The following NXN variants were observed in gnomAD, a reference collection of about 807,000 sequenced individuals.
NXN encodes the protein nucleoredoxin.
In NXN, 16 loss-of-function variants were observed where a neutral mutation model predicts 48.6. That is an observed-to-expected ratio of 0.33 (90% CI 0.22 to 0.50). NXN has a LOEUF of 0.50. Among genes scored for constraint, NXN ranks in the 20% least tolerant of loss-of-function variants. NXN has a pLI of 0.98. For missense variants in NXN, 492 were observed against 605.5 expected, an observed-to-expected ratio of 0.81 and a Z score of 1.97; for synonymous variants, 281 against 269.6, an observed-to-expected ratio of 1.04 and a Z score of -0.41.
At chr17:909,098 CAAAAAAAAAA>C (rs59822805) in intron 1 of NXN, among the ~76,000 whole-genome samples, 8 of 117,330 alleles carry the variant, frequency 6.8e-5, no homozygotes, top group African/African-American at 2.1e-4. Flanking sequence ...GACTTCGTCT[CAAAAAAAAAA>C]AAAAAAAAAA....
At chr17:912,208 G>A (rs989329205) in intron 1 of NXN, among the ~76,000 whole-genome samples, 4 of 152,038 alleles carry the variant, frequency 2.6e-5, no homozygotes, top group African/African-American at 9.7e-5. Flanking sequence ...AAAGTGCTGG[G>A]CTTATAAGCG....
At chr17:853,437 G>A (rs2067946831) in intron 1 of NXN, among the ~76,000 whole-genome samples, 1 of 152,058 alleles carries the variant, frequency 6.6e-6, no homozygotes, top group Admixed American at 6.5e-5. Context: ...GACAGAGTGA[G>A]ACTCTGCCTA....
In NXN at chr17:838,124, T is replaced by TTA. The variant is rs1264453633; in HGVS notation, c.361-12047_361-12046insTA. On this transcript the variant is annotated intron_variant, in intron 1 of 7. Coordinates refer to ENST00000336868, the MANE Select transcript of NXN (RefSeq NM_022463.5). ...CTCAGAACACTGAATTTTCCTTTCCTTCTTTTTTTTTTTTTTTTTTTTTTT... is the reference window on the plus strand; with the variant it reads ...CTCAGAACACTGAATTTTCCTTTCCTTATCTTTTTTTTTTTTTTTTTTTTTTT... 7.5e-4 allele frequency among the ~76,000 whole-genome samples: 99 copies of TTA among 131,556 alleles called. 2 individuals carry two copies. The East Asian group carries it at 7.7e-3, about 10-fold the overall frequency. The allele number at this position is 131,556 out of a possible 152,430, so 86.3% of individuals were successfully genotyped here.
Position 825,907 on chromosome 17 carries a change from G to A in NXN, c.478+54C>T. 8.7e-7 allele frequency: 1 copy of A among 1,144,486 alleles called. No individual in the cohort carries two copies. Among genetic ancestry groups the A allele is most frequent in the Non-Finnish European group, 1.3e-6 (1 of 771,424 alleles). 70.9% of individuals were successfully genotyped at this position (1,144,486 alleles called of 1,614,324 possible). On this transcript the variant is annotated intron_variant, in intron 2 of 7. Transcript: ENST00000336868. This position sits in a 1 kb window ranked among gnomAD's most constrained non-coding sequence, Gnocchi z 4.1. Reference sequence around the variant, plus strand: ...GGGACGGAGATTAGCCTAAGGGCATGGAGGAGGGAGGGCTGGGTAATAAGA... The same window carrying A: ...GGGACGGAGATTAGCCTAAGGGCATAGAGGAGGGAGGGCTGGGTAATAAGA...
chr17:840,472 T>C (rs1160259401), intron 1 of NXN, among the ~76,000 whole-genome samples: 1 of 152,150 alleles, frequency 6.6e-6, no homozygotes, highest in East Asian at 1.9e-4. Context: ...CCCAGGTAGC[T>C]GGGACTACAG....
intron 1 of NXN, among the ~76,000 whole-genome samples, chr17:867,602 A>G (rs1345201172): frequency 6.6e-6 from 1 of 152,206 alleles, no homozygotes; most frequent in Non-Finnish European, 1.5e-5. Context: ...TAATAAGAGA[A>G]AAATAGACAG....
rs906711063 is a variant in NXN, at chr17:958,807, C to A, written c.360+20512G>T. Among the ~76,000 whole-genome samples the A allele has an allele frequency of 6.6e-6, 1 of 152,080 alleles. No homozygotes were observed. The highest frequency in any genetic ancestry group is 2.4e-5 in the African/African-American group (1 of 41,408). ...AATTAGCTGGGGAGGTGGTGAGCTC[C>A]TGTAGTCTCAGCTTCTCAGGGGGCT... On this transcript the variant is annotated intron_variant, in intron 1 of 7. Transcript: ENST00000336868. This position sits in a 1 kb window ranked among gnomAD's most constrained non-coding sequence, Gnocchi z 6.9.
intron 1 of NXN, among the ~76,000 whole-genome samples, chr17:890,643 A>C (rs1597698830): frequency 6.6e-6 from 1 of 152,016 alleles, no homozygotes; most frequent in African/African-American, 2.4e-5. Flanking sequence ...GGCCGCCCAA[A>C]GTGCTGGGAT....
intron 5 of NXN, among the ~76,000 whole-genome samples, chr17:808,476 G>C (rs566124360): frequency 2.0e-5 from 3 of 151,780 alleles, no homozygotes; most frequent in African/African-American, 7.3e-5. Flanking sequence ...ATAATTTTTA[G>C]TAGAAACGGG....
chr17:907,136 G>A (rs942096864), intron 1 of NXN, among the ~76,000 whole-genome samples: 1 of 151,592 alleles, frequency 6.6e-6, no homozygotes, highest in African/African-American at 2.4e-5. Context: ...TTTTTGGGGG[G>A]GCGGGGGAGG....
At chr17:894,142 C>T (rs2068454132) in intron 1 of NXN, among the ~76,000 whole-genome samples, 1 of 132,376 alleles carries the variant, frequency 7.6e-6, no homozygotes, top group Non-Finnish European at 1.6e-5. Context: ...TCTCAAACGC[C>T]CTGGAAGCCA....
chr17:812,009 G>C (rs534929298), intron 5 of NXN, among the ~76,000 whole-genome samples: 3 of 138,258 alleles, frequency 2.2e-5, no homozygotes, highest in South Asian at 4.6e-4. Context: ...CTCACTGCAA[G>C]CTCCGTCTCC....
intron 1 of NXN, 125 bp downstream of exon 1, chr17:979,194 G>T: frequency 3.4e-6 from 1 of 291,136 alleles, no homozygotes; most frequent in Non-Finnish European, 5.3e-6. Context: ...GGCAGGGGTC[G>T]GGGGGTGGAG....
rs189468104 is a variant in NXN, at chr17:825,187, G to A, written c.478+774C>T. On this transcript the variant is annotated intron_variant, in intron 2 of 7. Coordinates refer to ENST00000336868, the MANE Select transcript of NXN (RefSeq NM_022463.5). The surrounding 1 kb of genome is among the most constrained non-coding windows in gnomAD (Gnocchi z 4.1). ...GAACCGGGATCATGCCACAGCACTC[G>A]GCCTGGGCGACAGAGGGAGATAGTG... 2.0e-5 allele frequency among the ~76,000 whole-genome samples: 3 copies of A among 149,146 alleles called. No individual in the cohort carries two copies. Among genetic ancestry groups the A allele is most frequent in the East Asian group, 2.0e-4 (1 of 5,086 alleles).
At chr17:844,248 C>T (rs2067834482) in intron 1 of NXN, among the ~76,000 whole-genome samples, 1 of 149,848 alleles carries the variant, frequency 6.7e-6, no homozygotes, top group Non-Finnish European at 1.5e-5. Context: ...CCAGGCCATC[C>T]TACGTCCCGT....
intron 1 of NXN, among the ~76,000 whole-genome samples, chr17:899,385 G>A (rs1212020984): frequency 2.6e-5 from 4 of 152,132 alleles, no homozygotes; most frequent in Non-Finnish European, 4.4e-5. Context: ...CAAAAAATAA[G>A]ACCCTGAGAG....
chr17:960,215 T>C (rs1323849428), intron 1 of NXN, among the ~76,000 whole-genome samples: 1 of 152,230 alleles, frequency 6.6e-6, no homozygotes, highest in Non-Finnish European at 1.5e-5. Flanking sequence ...TCAATCTTCC[T>C]TTTTATGTAT....
At chr17:979,175 G>C (rs1310674024) in intron 1 of NXN, 144 bp downstream of exon 1, 1 of 253,554 alleles carries the variant, frequency 3.9e-6, no homozygotes, top group Non-Finnish European at 7.0e-6. Flanking sequence ...CGGGGGGCGG[G>C]GGACTGGGGG....
At chr17:857,971 C>CTTTT (rs57517105) in intron 1 of NXN, among the ~76,000 whole-genome samples, 2 of 140,694 alleles carry the variant, frequency 1.4e-5, no homozygotes, top group Non-Finnish European at 3.1e-5. Context: ...AGATATAAAT[C>CTTTT]TTTTTTTTTT....
Sources: allele counts gnomAD v4.1 joint callset (sites outside exome capture counted in the v4.1 genomes callset), GRCh38; gene constraint gnomAD v4.1.1; non-coding constraint Gnocchi (gnomAD v3.1); transcripts MANE v1.5; gene names NCBI Gene and HGNC (gene_info 2026-07-23, HGNC 2026-07-21).